The following ZNF250 variants were observed in gnomAD, a reference collection of about 807,000 sequenced individuals.
The protein encoded by ZNF250 is zinc finger protein (clone 647).
A neutral mutation model predicts 37.1 loss-of-function variants in ZNF250; 13 were observed. That is an observed-to-expected ratio of 0.35 (90% confidence interval 0.23 to 0.56). ZNF250 has a LOEUF of 0.56. Among genes scored for constraint, ZNF250 ranks in the 20% least tolerant of loss-of-function variants. ZNF250 has a pLI of 0.87. For missense variants in ZNF250, 474 were observed against 697.9 expected (o/e 0.68, Z 3.61); for synonymous variants, 251 against 265.6 (o/e 0.94, Z 0.54).
intron 4 of ZNF250, among the ~76,000 whole-genome samples, chr8:144,888,096 GA>G (rs1308288995): frequency 6.6e-6 from 1 of 152,186 alleles, no homozygotes; most frequent in Non-Finnish European, 1.5e-5. Flanking sequence ...TCACCTTACT[GA>G]AGTCAGAGGT....
rs1831497637 is a variant in ZNF250 at position 144,881,875 on chromosome 8, G to A, written c.1308C>T (p.His436=). Residue 436 remains histidine (H), a synonymous_variant, in exon 6 of 6, where the codon CAC becomes CAT. Coordinates refer to ENST00000417550, the MANE Select transcript of ZNF250 (RefSeq NM_001109689.4). ...AFVQHSHLIQ[H]QRVHTGEKPY... The stretch of plus-strand genomic sequence containing the variant: ...GCTTCTCCCCAGTGTGGACTCTCTG[G>A]TGCTGGATCAGGTGTGAGTGCTGAA... The A allele has an allele frequency of 1.9e-6, 3 of 1,614,132 alleles. No individual in the cohort carries two copies. Among genetic ancestry groups the A allele is most frequent in the Non-Finnish European group, 2.5e-6 (3 of 1,180,016 alleles).
chr8:144,888,057 C>A (rs1217749485), intron 4 of ZNF250, among the ~76,000 whole-genome samples: 2 of 152,206 alleles, frequency 1.3e-5, no homozygotes, highest in Non-Finnish European at 2.9e-5. Flanking sequence ...GCAGGACAGG[C>A]TGACTGAGGT....
In ZNF250 at chr8:144,879,390, G is replaced by A. The variant is rs190742151; in HGVS notation, c.*2125C>T. ...GGGAACAAGCTTTTGTCTACATCGTGGTGTTTTGCTGTGGACTTAAGGATC... is the reference window on the plus strand; with the variant it reads ...GGGAACAAGCTTTTGTCTACATCGTAGTGTTTTGCTGTGGACTTAAGGATC... On this transcript the variant is annotated 3_prime_UTR_variant, in exon 6 of 6. Transcript: ENST00000417550. 2.1e-4 allele frequency: 32 copies of A among 152,300 alleles called. 1 individual carries two copies. The highest frequency in any genetic ancestry group is 2.0e-3 in the Admixed American group (31 of 15,294). 9.4% of individuals were successfully genotyped at this position (152,300 alleles called of 1,614,324 possible). A position where few individuals can be genotyped will look rare whatever the true frequency, so the allele number is the denominator to read the frequency against.
intron 1 of ZNF250, among the ~76,000 whole-genome samples, chr8:144,900,737 G>A (rs944737748): frequency 6.6e-6 from 1 of 152,192 alleles, no homozygotes; most frequent in Admixed American, 6.5e-5. Context: ...CTGCTGAAAC[G>A]AAAGCAGCTC....
At chr8:144,889,425 C>G (rs1832149477) in intron 4 of ZNF250, among the ~76,000 whole-genome samples, 156 bp downstream of exon 4, 1 of 152,222 alleles carries the variant, frequency 6.6e-6, no homozygotes, top group South Asian at 2.1e-4. Flanking sequence ...ATTCAGCAAC[C>G]CCCAGTCTAT....
chr8:144,882,629 T>C lies in ZNF250; in HGVS notation c.554A>G (p.Gln185Arg). The C allele has an allele frequency of 1.2e-6, 2 of 1,613,954 alleles. No individual in the cohort carries two copies. Among genetic ancestry groups the C allele is most frequent in the Non-Finnish European group, 1.7e-6 (2 of 1,179,892 alleles). ...GGGCCTCTCTCCACTAGGCACTGCC[T>C]GGTGCGGAGTGAGTGGCATGCTTTG... is the stretch of plus-strand genomic sequence containing the variant. ...LSQSMPLTPH[Q>R]AVPSGERPYM... is the part of the protein sequence containing the mutation. The change falls in exon 6 of 6, where the codon CAG (glutamine) becomes CGG (arginine). Residue 185 changes from glutamine (Q) to arginine (R), a missense_variant. Gln to Arg is a conservative substitution (Grantham distance 43). Transcript: ENST00000417550. The surrounding 1 kb of genome is among the most constrained non-coding windows in gnomAD (Gnocchi z 5.5).
rs1832206916 is a variant in ZNF250 at position 144,890,053 on chromosome 8, G to C, written c.49C>G (p.Leu17Val). The C allele has an allele frequency of 2.5e-6, 4 of 1,612,588 alleles. No individual in the cohort carries two copies. Among genetic ancestry groups the C allele is most frequent in the Non-Finnish European group, 2.5e-6 (3 of 1,179,276 alleles). ...LPVPAGPQAK[L>V]TFEDVAVLLS... The stretch of plus-strand genomic sequence containing the variant: ...AGCACAGCCACATCCTCGAAGGTCA[G>C]CTTGGCCTGGAACGACAGGGGCTGC... Residue 17 changes from leucine to valine, a missense_variant, in exon 3 of 6, where the codon CTG (leucine) becomes GTG (valine). Physicochemically the swap from Leu to Val is conservative, Grantham distance 32. Around this residue, in one of 2 missense-constraint regions of ZNF250, gnomAD observed 192 missense variants for 227.5 expected, o/e 0.84. Transcript: ENST00000417550. This position sits in a 1 kb window ranked among gnomAD's most constrained non-coding sequence, Gnocchi z 5.1.
chr8:144,880,682 G>C lies in ZNF250; in HGVS notation c.*833C>G, dbSNP rs767566760. 2.4e-5 allele frequency: 8 copies of C among 332,922 alleles called. No homozygotes were observed. The highest frequency in any genetic ancestry group is 7.6e-5 in the Admixed American group (2 of 26,406). The allele number at this position is 332,922 out of a possible 1,614,324, so 20.6% of individuals were successfully genotyped here. A position where few individuals can be genotyped will look rare whatever the true frequency, so the allele number is the denominator to read the frequency against. ...AGTTCGAGACCAGCCTGGCCAACAC[G>C]GTGAAACTCCGTCTCTACTAAAAAT... On this transcript the variant is annotated 3_prime_UTR_variant, in exon 6 of 6. Transcript: ENST00000417550.
Position 144,881,735 on chromosome 8 carries a change from A to G in ZNF250, c.1448T>C (p.Phe483Ser). ...PFQCTECGKA[F>S]SLKATLIVHL... Reference sequence around the variant, plus strand: ...CACAATCAGAGTTGCTTTCAGGCTGAAGGCTTTGCCACATTCTGTGCACTG... The same window carrying G: ...CACAATCAGAGTTGCTTTCAGGCTGGAGGCTTTGCCACATTCTGTGCACTG... The change falls in exon 6 of 6, where the codon TTC becomes TCC. Residue 483 changes from phenylalanine to serine, a missense_variant. Transcript: ENST00000417550. 1 of 1,614,110 alleles carries G rather than the reference A, an allele frequency of 6.2e-7. No individual in the cohort carries two copies.
chr8:144,877,013 A>T lies in ZNF250; in HGVS notation c.*4502T>A, dbSNP rs1831169030. ...GATTATACACAGAAATTCCAGGCAG[A>T]CTAAAATGTTTTCCAAAATAATAGA... On this transcript the variant is annotated 3_prime_UTR_variant, in exon 6 of 6. Coordinates refer to ENST00000417550, the MANE Select transcript of ZNF250 (RefSeq NM_001109689.4). 6.6e-6 allele frequency: 1 copy of T among 152,284 alleles called. No homozygotes were observed. The highest frequency in any genetic ancestry group is 2.4e-5 in the African/African-American group (1 of 41,478). 9.4% of individuals were successfully genotyped at this position (152,284 alleles called of 1,614,324 possible).
At chr8:144,896,438 C>T (rs572472155) in intron 1 of ZNF250, among the ~76,000 whole-genome samples, 5 of 152,204 alleles carry the variant, frequency 3.3e-5, no homozygotes, top group Admixed American at 6.5e-5. Context: ...TTTTTCCTTA[C>T]TTACACTATG....
intron 1 of ZNF250, among the ~76,000 whole-genome samples, chr8:144,896,946 G>A (rs1223414784): frequency 6.6e-6 from 1 of 152,196 alleles, no homozygotes; most frequent in Non-Finnish European, 1.5e-5. Flanking sequence ...TTCAAACTCA[G>A]GAATTTCAAT....
At chr8:144,885,618 C>T (rs903160383) in intron 5 of ZNF250, among the ~76,000 whole-genome samples, 3 of 152,192 alleles carry the variant, frequency 2.0e-5, no homozygotes, top group Non-Finnish European at 4.4e-5. Context: ...AATGCACCAT[C>T]ATGTCTGGCT....
upstream of ZNF250, chr8:144,902,092 C>G (rs969121408): frequency 5.3e-5 from 8 of 152,376 alleles, no homozygotes; most frequent in Non-Finnish European, 8.8e-5. Context: ...CGCAGCCGCT[C>G]TTCGCTGTGT....
In ZNF250 at chr8:144,887,211, A is replaced by G. The variant is rs577578427; in HGVS notation, c.284-309T>C. Among the ~76,000 whole-genome samples the G allele has an allele frequency of 1.2e-4, 17 of 144,582 alleles. No individual in the cohort carries two copies. In the Admixed American group the frequency reaches 1.2e-3, roughly 11 times the overall value. 94.9% of individuals were successfully genotyped at this position (144,582 alleles called of 152,430 possible). Reference sequence around the variant, plus strand: ...AGTTGCAGTGAGCCGAGATCACACTACTGCACTCCAGCCTGGGGGACAGAG... The same window carrying G: ...AGTTGCAGTGAGCCGAGATCACACTGCTGCACTCCAGCCTGGGGGACAGAG... On this transcript the variant is annotated intron_variant, in intron 4 of 5. Transcript: ENST00000417550.
chr8:144,896,564 T>C (rs1832738218), intron 1 of ZNF250, among the ~76,000 whole-genome samples: 3 of 152,092 alleles, frequency 2.0e-5, no homozygotes, highest in Non-Finnish European at 4.4e-5. Flanking sequence ...GTAAGAGCTA[T>C]CGGGGGTGCC....
rs995136251 is a variant in ZNF250 at position 144,881,363 on chromosome 8, A to T, written c.*152T>A. The T allele has an allele frequency of 1.7e-6, 2 of 1,193,748 alleles. No homozygotes were observed. Among genetic ancestry groups the T allele is most frequent in the Non-Finnish European group, 2.3e-6 (2 of 887,198 alleles). 73.9% of individuals were successfully genotyped at this position (1,193,748 alleles called of 1,614,324 possible). On this transcript the variant is annotated 3_prime_UTR_variant, in exon 6 of 6. Transcript: ENST00000417550. The stretch of plus-strand genomic sequence containing the variant: ...TCTGAAGTTTTTCCACAGGAACAGC[A>T]CGCTAAGTGCTTCTTTCTGGAGTTA...
Position 144,890,055 on chromosome 8 carries a change from T to A in ZNF250, c.47A>T (p.Lys16Met), listed in dbSNP as rs367546495. The A allele has an allele frequency of 2.5e-5, 40 of 1,612,456 alleles. No homozygotes were observed. The highest frequency in any genetic ancestry group is 3.3e-5 in the Non-Finnish European group (39 of 1,179,292). The stretch of plus-strand genomic sequence containing the variant: ...CACAGCCACATCCTCGAAGGTCAGC[T>A]TGGCCTGGAACGACAGGGGCTGCTG... ...LLPVPAGPQA[K>M]LTFEDVAVLL... is the part of the protein sequence containing the mutation. The change falls in exon 3 of 6, where the codon AAG (lysine) becomes ATG (methionine). Residue 16 changes from lysine (K) to methionine (M), a missense_variant. This residue lies in a region of ZNF250 where 192 missense variants were observed against 227.5 expected (regional missense o/e 0.84). Transcript: ENST00000417550. This position sits in a 1 kb window ranked among gnomAD's most constrained non-coding sequence, Gnocchi z 5.1.
At chr8:144,885,586 T>C (rs1055885732) in intron 5 of ZNF250, among the ~76,000 whole-genome samples, 3 of 152,162 alleles carry the variant, frequency 2.0e-5, no homozygotes, top group Admixed American at 2.0e-4. Flanking sequence ...TGTCTCAGCC[T>C]CCATGTGGCT....
Sources: allele counts gnomAD v4.1 joint callset (sites outside exome capture counted in the v4.1 genomes callset), GRCh38; gene constraint gnomAD v4.1.1; regional missense constraint gnomAD v4.1.1; non-coding constraint Gnocchi (gnomAD v3.1); transcripts MANE v1.5; gene names NCBI Gene and HGNC (gene_info 2026-07-23, HGNC 2026-07-21).